CCNJL: variants seen among roughly 807,000 people sequenced by gnomAD.
CCNJL encodes the protein cyclin J like, also known as cyclin-J-like protein.
CCNJL carries 33 observed loss-of-function variants against 33.4 expected under a neutral mutation model. The ratio of observed to expected loss-of-function variants is 0.99; its 90% CI spans 0.75 to 1.32. CCNJL has a LOEUF of 1.32. Among genes scored for constraint, CCNJL ranks in the 40% most tolerant of loss-of-function variants. The probability of loss-of-function intolerance (pLI) is 0.00; values close to 1 mark genes in which losing one functional copy is unlikely to be tolerated. For synonymous variants in CCNJL, 227 were observed against 220.9 expected, an observed-to-expected ratio of 1.03 and a Z score of -0.24; for missense variants, 512 against 499.7, an observed-to-expected ratio of 1.02 and a Z score of -0.23.
intron 4 of CCNJL, among the ~76,000 whole-genome samples, chr5:160,257,673 C>T (rs997528242): frequency 6.6e-6 from 1 of 151,396 alleles, no homozygotes; most frequent in African/African-American, 2.4e-5. Context: ...AAAAAATAAG[C>T]GCAACCTTGG....
At chr5:160,301,881 C>T (rs1416478013) in intron 2 of CCNJL, among the ~76,000 whole-genome samples, 2 of 151,968 alleles carry the variant, frequency 1.3e-5, no homozygotes, top group East Asian at 3.9e-4. Context: ...AGGCATGTGC[C>T]ACCACGCCCA....
chr5:160,331,482 C>T (rs984573933), intron 1 of CCNJL, among the ~76,000 whole-genome samples: 1 of 152,118 alleles, frequency 6.6e-6, no homozygotes, highest in African/African-American at 2.4e-5. Flanking sequence ...CCTCAGCCTC[C>T]CAAAGTCCTG....
chr5:160,264,325 G>A (rs1761481848), intron 3 of CCNJL, among the ~76,000 whole-genome samples: 1 of 152,132 alleles, frequency 6.6e-6, no homozygotes, highest in Admixed American at 6.5e-5. Context: ...CCCAGTGTTG[G>A]TGGTGACGGT....
rs1376752700 is a variant in CCNJL, at chr5:160,331,220, TTC to T, written n.206+8223_206+8224del. On this transcript the variant is annotated intron_variant and non_coding_transcript_variant, in intron 1 of 7. Transcript: ENST00000377503. ...TGAATCTTTTCTTTTCTTTCTTTCT[TTC>T]TTTTTTTTTTTTTTTTTGTGAGATG... 3.6e-3 allele frequency among the ~76,000 whole-genome samples: 543 copies of T among 149,480 alleles called. 8 individuals are homozygous for T. The highest frequency in any genetic ancestry group is 0.012 in the African/African-American group (493 of 40,048).
chr5:160,289,989 G>A (rs979549860), intron 2 of CCNJL, among the ~76,000 whole-genome samples: 2 of 152,314 alleles, frequency 1.3e-5, no homozygotes, highest in Non-Finnish European at 2.9e-5. Flanking sequence ...CTGCATAGCC[G>A]GGGAGGGGGA....
At chr5:160,297,671 A>C (rs915062910) in intron 2 of CCNJL, among the ~76,000 whole-genome samples, 7 of 148,636 alleles carry the variant, frequency 4.7e-5, no homozygotes, top group African/African-American at 1.0e-4. Flanking sequence ...AAAAAAAAAA[A>C]ACAAAACACC....
At chr5:160,305,905 T>C (rs1443557941) in intron 2 of CCNJL, among the ~76,000 whole-genome samples, 1 of 152,174 alleles carries the variant, frequency 6.6e-6, no homozygotes, top group African/African-American at 2.4e-5. Flanking sequence ...CTAAACGAAA[T>C]GTTTGCTGTT....
chr5:160,276,292 G>A (rs6898152), intron 3 of CCNJL: 5,249 of 129,888 alleles, frequency 0.04, 362 homozygotes, highest in African/African-American at 0.14. Flanking sequence ...TACTTGGGGC[G>A]GTGTGGGTGG....
At chr5:160,287,570 T>C (rs1208205634) in intron 2 of CCNJL, among the ~76,000 whole-genome samples, 10 of 152,212 alleles carry the variant, frequency 6.6e-5, no homozygotes, top group Non-Finnish European at 1.5e-5. Context: ...AAGGCATTCA[T>C]TACAAGGGCT....
chr5:160,334,397 C>T (rs968558443), intron 1 of CCNJL, among the ~76,000 whole-genome samples: 1 of 152,220 alleles, frequency 6.6e-6, no homozygotes, highest in Non-Finnish European at 1.5e-5. Context: ...TAAAATGATA[C>T]AAATCCATGC....
At chr5:160,304,822 C>CTTCT (rs1763039152) in intron 2 of CCNJL, among the ~76,000 whole-genome samples, 2 of 146,194 alleles carry the variant, frequency 1.4e-5, no homozygotes, top group South Asian at 2.2e-4. Flanking sequence ...TACTTTCTTT[C>CTTCT]TTTTTTTTTT....
upstream of CCNJL, among the ~76,000 whole-genome samples, chr5:160,313,156 C>CT (rs920195243): frequency 3.0e-4 from 45 of 152,112 alleles, no homozygotes; most frequent in African/African-American, 1.0e-3. Flanking sequence ...GAAAACCAGT[C>CT]TTTTTTTGCC....
chr5:160,323,177 G>C (rs138713491), intron 1 of CCNJL, among the ~76,000 whole-genome samples: 7,786 of 151,260 alleles, frequency 0.051, 699 homozygotes, highest in African/African-American at 0.18. Flanking sequence ...GGAGGTTGCA[G>C]TGAGCTGAGA....
rs1283739249 is a variant in CCNJL, at chr5:160,252,287, C to T, written c.*1091G>A. The T allele has an allele frequency of 6.6e-6, 1 of 152,592 alleles. No homozygotes were observed. The highest frequency in any genetic ancestry group is 1.5e-5 in the Non-Finnish European group (1 of 68,046). 9.5% of individuals were successfully genotyped at this position (152,592 alleles called of 1,614,324 possible). A position where few individuals can be genotyped will look rare whatever the true frequency, so the allele number is the denominator to read the frequency against. ...GCCTATCAATGGTGGTATCAAACGC[C>T]CATGTACATCCCACTCCCCAAATAC... On this transcript the variant is annotated 3_prime_UTR_variant, in exon 6 of 6. Transcript: ENST00000257536.
chr5:160,309,253 G>A (rs927730563), intron 2 of CCNJL, among the ~76,000 whole-genome samples: 5 of 152,134 alleles, frequency 3.3e-5, no homozygotes, highest in Non-Finnish European at 5.9e-5. Flanking sequence ...CATCACTAGC[G>A]TGCATGCAGT....
Position 160,253,521 on chromosome 5 carries a change from C to A in CCNJL, c.1021G>T (p.Asp341Tyr), listed in dbSNP as rs755182751. The A allele has an allele frequency of 6.2e-7, 1 of 1,614,202 alleles. No individual in the cohort carries two copies. Among genetic ancestry groups the A allele is most frequent in the Non-Finnish European group, 8.5e-7 (1 of 1,180,042 alleles). The part of the protein sequence containing the change: ...HTPYQPLQPL[D>Y]MCPVPVPASL... ...GCAGGGACGGGCACGGGACACATAT[C>A]CAAGGGCTGCAGCGGTTGGTACGGG... Residue 341 changes from aspartate (D) to tyrosine (Y), a missense_variant, in exon 6 of 6, where the codon GAT becomes TAT. Physicochemically the swap from Asp to Tyr is radical, Grantham distance 160. Coordinates refer to ENST00000257536, the MANE Select transcript of CCNJL (RefSeq NM_001308173.3).
chr5:160,315,930 A>G (rs1462233949), upstream of CCNJL, among the ~76,000 whole-genome samples: 1 of 152,192 alleles, frequency 6.6e-6, no homozygotes, highest in Non-Finnish European at 1.5e-5. Context: ...ATTCACTAAT[A>G]TGTACTGCCC....
At chr5:160,279,025 A>G (rs1245281650) in intron 3 of CCNJL, among the ~76,000 whole-genome samples, 1 of 152,266 alleles carries the variant, frequency 6.6e-6, no homozygotes, top group Non-Finnish European at 1.5e-5. Flanking sequence ...AGCCTAAAGC[A>G]GCCAATGGGA....
intron 4 of CCNJL, chr5:160,258,531 G>A (rs369932125): frequency 2.7e-5 from 41 of 1,509,508 alleles, no homozygotes; most frequent in Middle Eastern, 4.7e-4. Context: ...ACCTTGAACC[G>A]TATCTGAAAG....
Sources: gnomAD v4.1 joint callset for allele counts (sites outside exome capture counted in the v4.1 genomes callset) on GRCh38, gnomAD v4.1.1 for gene constraint, MANE v1.5 for transcripts, NCBI Gene and HGNC (gene_info 2026-07-23, HGNC 2026-07-21) for gene names.